SPEN: variants seen among roughly 807,000 people sequenced by gnomAD.
SPEN encodes msx2-interacting protein.
A neutral mutation model predicts 269.9 loss-of-function variants in SPEN; 18 were observed. The observed-to-expected ratio is 0.07, with a 90% CI of 0.05 to 0.10. SPEN has a LOEUF of 0.10. Among genes scored for constraint, SPEN ranks in the 10% least tolerant of loss-of-function variants. The pLI, the probability that SPEN is intolerant of heterozygous loss-of-function variation, is 1.00. For missense variants in SPEN, 3,822 were observed against 4,631.2 expected, an observed-to-expected ratio of 0.83 and a Z score of 5.07; for synonymous variants, 1,726 against 1,765.7, an observed-to-expected ratio of 0.98 and a Z score of 0.56.
At chr1:15,877,990 C>G (rs2070649190) in intron 3 of SPEN, among the ~76,000 whole-genome samples, 1 of 152,100 alleles carries the variant, frequency 6.6e-6, no homozygotes, top group Non-Finnish European at 1.5e-5. Flanking sequence ...GGTGATTCAC[C>G]TGCCTTGGCC....
chr1:15,936,301 G>C (rs754619362), intron 11 of SPEN, 35 bp downstream of exon 11: 6 of 1,508,444 alleles, frequency 4.0e-6, no homozygotes, highest in Non-Finnish European at 4.4e-6. Flanking sequence ...CTGTCTGTTG[G>C]GCATGTGCTT....
intron 10 of SPEN, among the ~76,000 whole-genome samples, chr1:15,926,384 TACACACAC>T (rs34826146): frequency 1.4e-5 from 2 of 145,766 alleles, no homozygotes; most frequent in South Asian, 2.2e-4. Flanking sequence ...GATATATACA[TACACACAC>T]ACACACACAC....
Position 15,930,687 on chromosome 1 carries a change from GTTGAC to G in SPEN, c.4449_4453del (p.Asp1484CysfsTer16). Reference sequence around the variant, plus strand: ...TCGAAACAACAAAGATAAAGAAAAGGTTGACTCTGCTCCAAGACCTATTCCATCCT... The same window carrying G: ...TCGAAACAACAAAGATAAAGAAAAGGTCTGCTCCAAGACCTATTCCATCCT... On this transcript the variant is annotated frameshift_variant, in exon 11 of 15. Coordinates refer to ENST00000375759, the MANE Select transcript of SPEN (RefSeq NM_015001.3). LOFTEE classifies it high-confidence loss of function. The surrounding 1 kb of genome is among the most constrained non-coding windows in gnomAD (Gnocchi z 5.3). The G allele has an allele frequency of 6.2e-7, 1 of 1,614,122 alleles. No individual in the cohort carries two copies. The highest frequency in any genetic ancestry group is 8.5e-7 in the Non-Finnish European group (1 of 1,180,010).
Position 15,935,762 on chromosome 1 carries a change from G to A in SPEN, c.9522G>A (p.Gln3174=). The change falls in exon 11 of 15, where the codon CAG becomes CAA. Residue 3174 remains glutamine (Q), a synonymous_variant. Transcript: ENST00000375759. This position sits in a 1 kb window ranked among gnomAD's most constrained non-coding sequence, Gnocchi z 7.7. ...LPVARATAPV[Q]SEVLVMQSEY... is the part of the protein sequence containing the mutation. ...TCGCTCGAGCCACAGCCCCTGTGCA[G>A]TCAGAGGTACTAGTCATGCAGTCTG... The A allele has an allele frequency of 6.2e-7, 1 of 1,613,870 alleles. No homozygotes were observed. Among genetic ancestry groups the A allele is most frequent in the Non-Finnish European group, 8.5e-7 (1 of 1,179,978 alleles).
At chr1:15,893,693 G>A (rs2070811030) in intron 3 of SPEN, among the ~76,000 whole-genome samples, 3 of 151,644 alleles carry the variant, frequency 2.0e-5, no homozygotes, top group Admixed American at 2.0e-4. Flanking sequence ...AAAAAGGCCA[G>A]TACACTCAAG....
At chr1:15,849,944 A>T (rs919154600) in intron 1 of SPEN, among the ~76,000 whole-genome samples, 1 of 152,086 alleles carries the variant, frequency 6.6e-6, no homozygotes, top group East Asian at 1.9e-4. Context: ...CCTCAGTGTT[A>T]TGTGCCTAGA....
chr1:15,922,920 A>G (rs1447969091), intron 10 of SPEN, among the ~76,000 whole-genome samples: 5 of 152,130 alleles, frequency 3.3e-5, no homozygotes, highest in African/African-American at 1.2e-4. Context: ...GGTCTGCTTT[A>G]TGTACCATTA....
intron 1 of SPEN, among the ~76,000 whole-genome samples, chr1:15,849,897 C>T (rs748799840): frequency 2.6e-5 from 4 of 152,050 alleles, no homozygotes; most frequent in Non-Finnish European, 4.4e-5. Flanking sequence ...TCGTATGCAC[C>T]GATGTACAAG....
At chr1:15,926,642 T>G (rs1197148729) in intron 10 of SPEN, among the ~76,000 whole-genome samples, 1 of 151,816 alleles carries the variant, frequency 6.6e-6, no homozygotes, top group African/African-American at 2.4e-5. Flanking sequence ...CTAGAGAAAT[T>G]TTGGCCAAGA....
intron 3 of SPEN, among the ~76,000 whole-genome samples, chr1:15,895,003 A>C (rs1000569237): frequency 1.3e-5 from 2 of 151,974 alleles, no homozygotes; most frequent in Non-Finnish European, 2.9e-5. Flanking sequence ...GCTCACCGCA[A>C]ACTCTGCCTC....
chr1:15,939,013 G>A lies in SPEN; in HGVS notation c.10863+137G>A. On this transcript the variant is annotated intron_variant, in intron 14 of 14. Transcript: ENST00000375759. This position sits in a 1 kb window ranked among gnomAD's most constrained non-coding sequence, Gnocchi z 4.1. ...GGGGCATTTTGGACAGAAGTCAGTA[G>A]AGCACATGGGGCGGGGCGCCATCAC... The A allele has an allele frequency of 8.5e-7, 1 of 1,179,380 alleles. No homozygotes were observed. Among genetic ancestry groups the A allele is most frequent in the Non-Finnish European group, 1.2e-6 (1 of 843,154 alleles). 73.1% of individuals were successfully genotyped at this position (1,179,380 alleles called of 1,614,324 possible).
chr1:15,861,986 G>A (rs2070453236), intron 1 of SPEN, among the ~76,000 whole-genome samples: 1 of 152,210 alleles, frequency 6.6e-6, no homozygotes, highest in South Asian at 2.1e-4. Context: ...AGGTTGCAGT[G>A]AGCTGAGATT....
Position 15,873,116 on chromosome 1 carries a change from T to G in SPEN, c.384T>G (p.Arg128=). The change falls in exon 2 of 15, where the codon CGT becomes CGG. Residue 128 remains arginine, a synonymous_variant. Coordinates refer to ENST00000375759, the MANE Select transcript of SPEN (RefSeq NM_015001.3). ...PPPSLHAREG[R]YERRLDGASD... ...CGTCACTTCATGCACGAGAAGGACG[T>G]TATGAGCGGAGACTTGATGGGTAAG... 11 of 1,612,058 alleles carry G rather than the reference T, an allele frequency of 6.8e-6. No individual in the cohort carries two copies. The highest frequency in any genetic ancestry group is 9.3e-6 in the Non-Finnish European group (11 of 1,178,450).
Position 15,907,391 on chromosome 1 carries a change from A to C in SPEN, c.882-1930A>C, listed in dbSNP as rs548488218. On this transcript the variant is annotated intron_variant, in intron 3 of 14. Coordinates refer to ENST00000375759, the MANE Select transcript of SPEN (RefSeq NM_015001.3). ...CAGCTACTCGGGAGGCACGAGAATC[A>C]CTTGAACCCAAGAGGTGGAGGTTGC... 4.9e-4 allele frequency among the ~76,000 whole-genome samples: 75 copies of C among 152,162 alleles called. 1 individual carries two copies. The highest frequency in any genetic ancestry group is 1.8e-3 in the African/African-American group (74 of 41,530).
At position 15,930,668 on chromosome 1, in the gene SPEN, C is replaced by T. The variant is rs2071211907; in HGVS notation, c.4428C>T (p.Asn1476=). Residue 1476 remains asparagine, a synonymous_variant, in exon 11 of 15, where the codon AAC becomes AAT. Transcript: ENST00000375759. The surrounding 1 kb of genome is among the most constrained non-coding windows in gnomAD (Gnocchi z 5.3). The part of the protein sequence containing the change: ...DWDSRFANFR[N]NKDKEKVDSA... ...ACTCCCGATTTGCAAATTTTCGAAA[C>T]AACAAAGATAAAGAAAAGGTTGACT... 1 of 1,613,782 alleles carries T rather than the reference C, an allele frequency of 6.2e-7. No individual in the cohort carries two copies. The highest frequency in any genetic ancestry group is 8.5e-7 in the Non-Finnish European group (1 of 1,179,972).
chr1:15,919,783 T>G (rs1281572701), intron 8 of SPEN, among the ~76,000 whole-genome samples: 1 of 152,208 alleles, frequency 6.6e-6, no homozygotes, highest in Non-Finnish European at 1.5e-5. Flanking sequence ...AAATGTTGCT[T>G]AGGGATTTTT....
intron 3 of SPEN, among the ~76,000 whole-genome samples, chr1:15,893,159 G>A (rs748172128): frequency 3.3e-5 from 5 of 152,206 alleles, no homozygotes; most frequent in Non-Finnish European, 5.9e-5. Context: ...GTGATGGCTA[G>A]TACTTTTGAT....
Position 15,928,668 on chromosome 1 carries a change from C to A in SPEN, c.2428C>A (p.Arg810=). 6.2e-7 allele frequency: 1 copy of A among 1,613,626 alleles called. No homozygotes were observed. The highest frequency in any genetic ancestry group is 8.5e-7 in the Non-Finnish European group (1 of 1,179,962). ...ERVERERRLI[R]KEKVEKDKTD... is the part of the protein sequence containing the mutation. The stretch of plus-strand genomic sequence containing the variant: ...AGTGGAGAGAGAGAGACGCTTAATA[C>A]GGAAGGAAAAAGTGGAAAAGGACAA... Residue 810 remains arginine, a synonymous_variant, in exon 11 of 15, where the codon CGG becomes AGG. Transcript: ENST00000375759. This position sits in a 1 kb window ranked among gnomAD's most constrained non-coding sequence, Gnocchi z 5.7.
At chr1:15,914,765 A>C (rs912957200) in intron 5 of SPEN, among the ~76,000 whole-genome samples, 1 of 152,184 alleles carries the variant, frequency 6.6e-6, no homozygotes, top group African/African-American at 2.4e-5. Context: ...CAGAGGTTGC[A>C]GTGAGCCGAG....
Sources: gnomAD v4.1 joint callset for allele counts (sites outside exome capture counted in the v4.1 genomes callset) on GRCh38, gnomAD v4.1.1 for gene constraint, Gnocchi (gnomAD v3.1) non-coding constraint, MANE v1.5 for transcripts, NCBI Gene and HGNC (gene_info 2026-07-23, HGNC 2026-07-21) for gene names.